MGAT5: variants seen among roughly 807,000 people sequenced by gnomAD.
MGAT5 encodes the protein alpha-1,6-mannosylglycoprotein 6-beta-N-acetylglucosaminyltransferase A.
In MGAT5, 30 loss-of-function variants were observed where a neutral mutation model predicts 94.3. The ratio of observed to expected loss-of-function variants is 0.32; its 90% CI spans 0.24 to 0.43. The LOEUF (loss-of-function observed/expected upper bound fraction) is 0.43, where lower values mean the gene tolerates loss of function less well. MGAT5 is among the 20% of genes least tolerant of loss of function. The pLI is 1.00. For synonymous variants in MGAT5, 310 were observed against 322.9 expected (o/e 0.96, Z 0.43); for missense variants, 691 against 905.5 (o/e 0.76, Z 3.04).
chr2:134,373,041 C>T lies in MGAT5; in HGVS notation c.1380+10633C>T, dbSNP rs181075945. Among the ~76,000 whole-genome samples the T allele has an allele frequency of 8.2e-4, 125 of 152,336 alleles. 3 individuals carry two copies. Among genetic ancestry groups the T allele is most frequent in the Middle Eastern group, 6.8e-3 (2 of 294 alleles). On this transcript the variant is annotated intron_variant, in intron 10 of 15. Transcript: ENST00000281923. ...GTTCATTTGTAGCTCTTAGTAAACA[C>T]AGCTGTTGTGGTTGTAATTTGCCTG... is the stretch of plus-strand genomic sequence containing the variant.
At chr2:134,264,308 C>G (rs577385054) in intron 1 of MGAT5, among the ~76,000 whole-genome samples, 73 of 152,266 alleles carry the variant, frequency 4.8e-4, no homozygotes, top group African/African-American at 1.7e-3. Flanking sequence ...AGGCATGAGC[C>G]ACCGCACCCG....
chr2:134,320,298 A>G (rs935476), intron 4 of MGAT5, among the ~76,000 whole-genome samples: 24,499 of 152,134 alleles, frequency 0.16, 2,074 homozygotes, highest in Middle Eastern at 0.35. Context: ...AGATAGTTAC[A>G]TTTACGTTCC....
At chr2:134,438,640 A>T (rs923940312) in intron 14 of MGAT5, among the ~76,000 whole-genome samples, 4 of 152,202 alleles carry the variant, frequency 2.6e-5, no homozygotes, top group African/African-American at 9.7e-5. Context: ...CCTTAGTAGC[A>T]GCATTCAGAC....
At chr2:134,267,279 A>G (rs1309371936) in intron 1 of MGAT5, among the ~76,000 whole-genome samples, 1 of 152,180 alleles carries the variant, frequency 6.6e-6, no homozygotes, top group Non-Finnish European at 1.5e-5. Flanking sequence ...CTGGATCTGT[A>G]ATCACCTCTG....
chr2:134,231,423 C>T (rs931108252), intron 1 of MGAT5: 1 of 152,134 alleles, frequency 6.6e-6, no homozygotes, highest in African/African-American at 2.4e-5. Context: ...GGTTTATAAC[C>T]TAGACAAATA....
At chr2:134,399,105 A>G (rs747678057) in intron 10 of MGAT5, among the ~76,000 whole-genome samples, 8 of 152,238 alleles carry the variant, frequency 5.3e-5, no homozygotes, top group South Asian at 2.1e-4. Flanking sequence ...GTTTGAGGTG[A>G]TGGATACCCT....
chr2:134,251,980 C>T (rs905726932), upstream of MGAT5, among the ~76,000 whole-genome samples: 4 of 152,152 alleles, frequency 2.6e-5, no homozygotes, highest in Non-Finnish European at 4.4e-5. Context: ...TGAGATTGTA[C>T]GGTAGTTGCC....
At chr2:134,159,437 G>T (rs565117324) in intron 1 of MGAT5, among the ~76,000 whole-genome samples, 2 of 152,314 alleles carry the variant, frequency 1.3e-5, no homozygotes, top group South Asian at 4.1e-4. Flanking sequence ...CCAGTCCAAA[G>T]AGTTAAGACG....
At chr2:134,381,382 T>TAGATAAGATAAGATAAGATAAGA (rs1553457734) in intron 10 of MGAT5, among the ~76,000 whole-genome samples, 1 of 108,510 alleles carries the variant, frequency 9.2e-6, no homozygotes, top group Non-Finnish European at 2.0e-5. Flanking sequence ...ATAAGATAGA[T>TAGATAAGATAAGATAAGATAAGA]TAGATAGATA....
chr2:134,358,638 A>C (rs139631038), intron 9 of MGAT5, among the ~76,000 whole-genome samples: 1 of 152,218 alleles, frequency 6.6e-6, no homozygotes, highest in Non-Finnish European at 1.5e-5. Context: ...GTGAAGATAC[A>C]TTACATTCTT....
intron 4 of MGAT5, among the ~76,000 whole-genome samples, chr2:134,320,978 C>T (rs1356391697): frequency 1.3e-5 from 2 of 152,078 alleles, no homozygotes; most frequent in African/African-American, 4.8e-5. Context: ...CCAGAGCTAA[C>T]GATAGTTAAA....
intron 2 of MGAT5, among the ~76,000 whole-genome samples, chr2:134,275,264 TTCTG>T (rs1372251672): frequency 1.3e-5 from 2 of 152,244 alleles, no homozygotes; most frequent in African/African-American, 2.4e-5. Context: ...AGCAAATATG[TTCTG>T]TCTATCTACC....
intron 11 of MGAT5, among the ~76,000 whole-genome samples, chr2:134,408,711 C>G (rs1356843251): frequency 6.6e-6 from 1 of 152,190 alleles, no homozygotes; most frequent in Non-Finnish European, 1.5e-5. Flanking sequence ...CTTCCTTAAG[C>G]ATCAGGTACC....
At chr2:134,185,794 A>G (rs922533535) in intron 1 of MGAT5, among the ~76,000 whole-genome samples, 5 of 152,254 alleles carry the variant, frequency 3.3e-5, no homozygotes, top group Admixed American at 6.5e-5. Context: ...AACCAAGGAA[A>G]AATCCAGACC....
intron 1 of MGAT5, among the ~76,000 whole-genome samples, chr2:134,168,715 T>C (rs923225578): frequency 2.0e-5 from 3 of 152,232 alleles, no homozygotes; most frequent in Non-Finnish European, 2.9e-5. Context: ...GTTGGTCTTA[T>C]TTGAAATACT....
At chr2:134,398,280 A>G (rs543832936) in intron 10 of MGAT5, among the ~76,000 whole-genome samples, 1 of 152,050 alleles carries the variant, frequency 6.6e-6, no homozygotes, top group Non-Finnish European at 1.5e-5. Flanking sequence ...TGTAGGACTT[A>G]AATTTTTCTC....
intron 2 of MGAT5, among the ~76,000 whole-genome samples, chr2:134,298,025 T>G (rs2105807085): frequency 6.6e-6 from 1 of 152,312 alleles, no homozygotes; most frequent in South Asian, 2.1e-4. Context: ...TTATTTTCTT[T>G]TAGAGTATGA....
intron 4 of MGAT5, among the ~76,000 whole-genome samples, chr2:134,329,121 C>G (rs1259069273): frequency 2.0e-5 from 3 of 151,952 alleles, no homozygotes; most frequent in African/African-American, 7.3e-5. Flanking sequence ...TAATTGAGTG[C>G]CCTGTTTCTT....
intron 2 of MGAT5, among the ~76,000 whole-genome samples, chr2:134,284,971 G>A (rs1256175308): frequency 6.6e-6 from 1 of 152,178 alleles, no homozygotes; most frequent in Non-Finnish European, 1.5e-5. Context: ...CAGGTGTTAA[G>A]CATACTTAAT....
Sources: gnomAD v4.1 joint callset for allele counts (sites outside exome capture counted in the v4.1 genomes callset) on GRCh38, gnomAD v4.1.1 for gene constraint, MANE v1.5 for transcripts, NCBI Gene and HGNC (gene_info 2026-07-23, HGNC 2026-07-21) for gene names.